Variants in SLC24A1 observed in about 807,000 individuals in gnomAD.
SLC24A1 encodes solute carrier family 24 member 1, also known as sodium/potassium/calcium exchanger 1.
SLC24A1 carries 52 observed loss-of-function variants against 88.1 expected under a neutral mutation model. The observed-to-expected ratio is 0.59, with a 90% confidence interval of 0.47 to 0.74. The LOEUF is 0.74. Ranked by LOEUF, SLC24A1 falls within the 30% of genes least tolerant of loss-of-function variation. SLC24A1 has a pLI of 0.00. For missense variants in SLC24A1, 1,173 were observed against 1,363.3 expected, an observed-to-expected ratio of 0.86 and a Z score of 2.20; for synonymous variants, 455 against 498.0, an observed-to-expected ratio of 0.91 and a Z score of 1.15.
chr15:65,642,454 G>A (rs1021735972), intron 4 of SLC24A1, among the ~76,000 whole-genome samples: 4 of 152,172 alleles, frequency 2.6e-5, no homozygotes, highest in Admixed American at 2.6e-4. Flanking sequence ...GAGAGTCTAG[G>A]CTGTGATGAG....
chr15:65,636,696 T>C (rs895470497), intron 2 of SLC24A1, among the ~76,000 whole-genome samples: 11 of 151,890 alleles, frequency 7.2e-5, no homozygotes, highest in Admixed American at 5.2e-4. Context: ...GCCAACATGG[T>C]GAAACCCCAT....
rs143301588 is a variant in SLC24A1 at position 65,626,656 on chromosome 15, G to A, written c.1890+686G>A. Among the ~76,000 whole-genome samples the A allele has an allele frequency of 3.3e-5, 5 of 152,286 alleles. No homozygotes were observed. In the East Asian group the frequency reaches 7.7e-4, roughly 23 times the overall value. On this transcript the variant is annotated intron_variant, in intron 2 of 9. Transcript: ENST00000261892. Reference sequence around the variant, plus strand: ...GAGCACTAATCCTGGGCTTTCTCCTGACCCATAAGTTCCTTTCCAAGAACT... The same window carrying A: ...GAGCACTAATCCTGGGCTTTCTCCTAACCCATAAGTTCCTTTCCAAGAACT...
chr15:65,625,997 C>G (rs752870134), intron 2 of SLC24A1, 27 bp downstream of exon 2: 2 of 1,540,120 alleles, frequency 1.3e-6, no homozygotes, highest in Non-Finnish European at 1.8e-6. Context: ...TCAGGTTTCT[C>G]TAGCCCCTTT....
Position 65,655,083 on chromosome 15 carries a change from A to G in SLC24A1, c.*1004A>G, listed in dbSNP as rs2075635952. The G allele has an allele frequency of 3.9e-6, 4 of 1,015,220 alleles. No individual in the cohort carries two copies. Among genetic ancestry groups the G allele is most frequent in the Non-Finnish European group, 4.7e-6 (4 of 847,768 alleles). 62.9% of individuals were successfully genotyped at this position (1,015,220 alleles called of 1,614,324 possible). On this transcript the variant is annotated 3_prime_UTR_variant, in exon 10 of 10. Transcript: ENST00000261892. ...TTTAAAAGTATGTATTTATTAGAACATGCAAATTCATGTTGTCTCCATCAG... is the reference window on the plus strand; with the variant it reads ...TTTAAAAGTATGTATTTATTAGAACGTGCAAATTCATGTTGTCTCCATCAG...
chr15:65,651,681 G>GT lies in SLC24A1; in HGVS notation c.2811dup (p.Val938CysfsTer27), dbSNP rs1566966637. The GT allele has an allele frequency of 3.8e-6, 6 of 1,597,412 alleles. No individual in the cohort carries two copies. On this transcript the variant is annotated frameshift_variant, in exon 8 of 10. Transcript: ENST00000261892. LOFTEE classifies it high-confidence loss of function. The stretch of plus-strand genomic sequence containing the variant: ...AAACTTTCAAACAGGAGTCTAGGAA[G>GT]TTTTTTGTTTTCACCTTCCTGGGAT...
rs1434596919 is a variant in SLC24A1, at chr15:65,624,699, A to G, written c.619A>G (p.Thr207Ala). The G allele has an allele frequency of 6.2e-7, 1 of 1,608,536 alleles. No individual in the cohort carries two copies. Among genetic ancestry groups the G allele is most frequent in the Non-Finnish European group, 8.5e-7 (1 of 1,177,214 alleles). ...VGTYVPSTFM[T>A]METSHAITPR... ...CACTTACGTGCCGTCCACATTCATG[A>G]CAATGGAAACAAGCCATGCGATCAC... The change falls in exon 2 of 10, where the codon ACA becomes GCA. Residue 207 changes from threonine (T) to alanine (A), a missense_variant. Physicochemically the swap from Thr to Ala is moderately conservative, Grantham distance 58. Coordinates refer to ENST00000261892, the MANE Select transcript of SLC24A1 (RefSeq NM_004727.3).
intron 2 of SLC24A1, among the ~76,000 whole-genome samples, chr15:65,613,603 A>C (rs1205561553): frequency 1.3e-5 from 2 of 151,002 alleles, no homozygotes; most frequent in Non-Finnish European, 2.9e-5. Flanking sequence ...CCCAACCTCA[A>C]CCTCCCACGT....
Position 65,638,244 on chromosome 15 carries a change from C to T in SLC24A1, c.1944+63C>T, listed in dbSNP as rs545911190. 1.0e-5 allele frequency: 12 copies of T among 1,166,568 alleles called. No individual in the cohort carries two copies. In the South Asian group the frequency reaches 1.4e-4, roughly 14 times the overall value. The allele number at this position is 1,166,568 out of a possible 1,614,324, so 72.3% of individuals were successfully genotyped here. Reference sequence around the variant, plus strand: ...CAGGGTCTCAGTGGATGATCACAGGCCCAGGGTATTGTGGCCCTGTGCTGG... The same window carrying T: ...CAGGGTCTCAGTGGATGATCACAGGTCCAGGGTATTGTGGCCCTGTGCTGG... On this transcript the variant is annotated intron_variant, in intron 3 of 9. Transcript: ENST00000261892.
chr15:65,637,591 C>T (rs1041272757), intron 2 of SLC24A1, among the ~76,000 whole-genome samples: 6 of 152,196 alleles, frequency 3.9e-5, no homozygotes, highest in African/African-American at 1.4e-4. Context: ...TGAGCTCTTG[C>T]TAAGTGCTGG....
rs748020043 is a variant in SLC24A1 at position 65,625,660 on chromosome 15, C to A, written c.1580C>A (p.Thr527Asn). 1 of 1,614,014 alleles carries A rather than the reference C, an allele frequency of 6.2e-7. No homozygotes were observed. Among genetic ancestry groups the A allele is most frequent in the Non-Finnish European group, 8.5e-7 (1 of 1,179,898 alleles). Residue 527 changes from threonine to asparagine, a missense_variant, in exon 2 of 10, where the codon ACC becomes AAC. Physicochemically the swap from Thr to Asn is moderately conservative, Grantham distance 65 (BLOSUM62 0). Coordinates refer to ENST00000261892, the MANE Select transcript of SLC24A1 (RefSeq NM_004727.3). ...TCCCACAGCAACGTGGGCATTGGTA[C>A]CATTGTGGGCTCTGCTGTGTTCAAC... ...FISHSNVGIGTIVGSAVFNIL... is the reference protein window; with the variant it reads ...FISHSNVGIGNIVGSAVFNIL...
At chr15:65,643,054 G>A (rs1027331140) in intron 4 of SLC24A1, 11 of 1,262,856 alleles carry the variant, frequency 8.7e-6, no homozygotes, top group African/African-American at 4.6e-5. Flanking sequence ...TTTCATCATT[G>A]TTGTTGTTGT....
chr15:65,624,338 G>T lies in SLC24A1; in HGVS notation c.258G>T (p.Met86Ile), dbSNP rs74587373. The T allele has an allele frequency of 1.9e-6, 3 of 1,613,654 alleles. No homozygotes were observed. Among genetic ancestry groups the T allele is most frequent in the Admixed American group, 1.7e-5 (1 of 59,984 alleles). The change falls in exon 2 of 10, where the codon ATG becomes ATT. Residue 86 changes from methionine (M) to isoleucine (I), a missense_variant. Physicochemically the swap from Met to Ile is conservative, Grantham distance 10 (BLOSUM62 1). Transcript: ENST00000261892. ...GCCCTTCAAAACCTAGCTCCGAAAT[G>T]GGGGGTAAGATGCTGGTACCCCAAG... ...SSSPSKPSSE[M>I]GGKMLVPQAS...
rs368221484 is a variant in SLC24A1, at chr15:65,651,072, A to C, written c.2793+130A>C. On this transcript the variant is annotated intron_variant, in intron 7 of 9. Transcript: ENST00000261892. Reference sequence around the variant, plus strand: ...CCAGCTTATCAGGGCTCCACCATTGAGATCTGGGAAGGGACTGAAGCCTTG... The same window carrying C: ...CCAGCTTATCAGGGCTCCACCATTGCGATCTGGGAAGGGACTGAAGCCTTG... 3.3e-4 allele frequency: 248 copies of C among 761,956 alleles called. No individual in the cohort carries two copies. The African/African-American group carries it at 3.9e-3, about 12-fold the overall frequency. 47.2% of individuals were successfully genotyped at this position (761,956 alleles called of 1,614,324 possible). A position where few individuals can be genotyped will look rare whatever the true frequency, so the allele number is the denominator to read the frequency against.
chr15:65,625,613 C>T lies in SLC24A1; in HGVS notation c.1533C>T (p.Thr511=). Residue 511 remains threonine (T), a synonymous_variant, in exon 2 of 10, where the codon ACC becomes ACT. Coordinates refer to ENST00000261892, the MANE Select transcript of SLC24A1 (RefSeq NM_004727.3). ...GAGGCTCTGCTCCTGAGCTCTTCAC[C>T]TCCCTCATCGGTGTCTTCATTTCCC... The part of the protein sequence containing the change: ...AAGGSAPELF[T]SLIGVFISHS... 6.2e-7 allele frequency: 1 copy of T among 1,614,040 alleles called. No homozygotes were observed. Among genetic ancestry groups the T allele is most frequent in the Non-Finnish European group, 8.5e-7 (1 of 1,179,900 alleles).
At chr15:65,635,817 C>G (rs763389003) in intron 2 of SLC24A1, among the ~76,000 whole-genome samples, 1 of 152,212 alleles carries the variant, frequency 6.6e-6, no homozygotes, top group Admixed American at 6.5e-5. Flanking sequence ...TTTCAGGAAC[C>G]ACATTCTTCT....
chr15:65,632,754 A>G (rs2074774533), intron 2 of SLC24A1, among the ~76,000 whole-genome samples: 1 of 152,176 alleles, frequency 6.6e-6, no homozygotes, highest in Non-Finnish European at 1.5e-5. Flanking sequence ...AGCTTAGTCT[A>G]ATGGAAGAGG....
In SLC24A1 at chr15:65,650,799, G is replaced by A. The variant is rs2075474731; in HGVS notation, c.2650G>A (p.Glu884Lys). ...GGAAGAGCAGGAGGAAGAGGAGGAG[G>A]AGGAGGAGGAAGAGGAGGAGAAGGG... ...EEEEQEEEEE[E>K]EEEEEEKGNE... Residue 884 changes from glutamate to lysine, a missense_variant, in exon 7 of 10, where the codon GAG becomes AAG. Transcript: ENST00000261892. This position sits in a 1 kb window ranked among gnomAD's most constrained non-coding sequence, Gnocchi z 4.1. The A allele has an allele frequency of 2.5e-6, 4 of 1,613,268 alleles. No individual in the cohort carries two copies. The highest frequency in any genetic ancestry group is 3.4e-6 in the Non-Finnish European group (4 of 1,179,736).
At chr15:65,636,463 T>C (rs1394628620) in intron 2 of SLC24A1, among the ~76,000 whole-genome samples, 1 of 151,942 alleles carries the variant, frequency 6.6e-6, no homozygotes, top group Non-Finnish European at 1.5e-5. Flanking sequence ...GCACCTGTAG[T>C]CCCAGCTACT....
At chr15:65,620,907 A>G (rs1333121743), upstream of SLC24A1, among the ~76,000 whole-genome samples, 1 of 152,202 alleles carries the variant, frequency 6.6e-6, no homozygotes, top group African/African-American at 2.4e-5. Flanking sequence ...ACAGCAGCAT[A>G]AAGGCAAGGA....
Sources: gnomAD v4.1 joint callset for allele counts (sites outside exome capture counted in the v4.1 genomes callset) on GRCh38, gnomAD v4.1.1 for gene constraint, Gnocchi (gnomAD v3.1) non-coding constraint, MANE v1.5 for transcripts, NCBI Gene and HGNC (gene_info 2026-07-23, HGNC 2026-07-21) for gene names.